DCLRE1A: variants seen among roughly 807,000 people sequenced by gnomAD.
The protein encoded by DCLRE1A is DNA cross-link repair 1A.
DCLRE1A carries 64 observed loss-of-function variants against 91.9 expected under a neutral mutation model. The observed-to-expected ratio is 0.70, with a 90% CI of 0.57 to 0.86. The LOEUF (loss-of-function observed/expected upper bound fraction) is 0.86. Ranked by LOEUF, DCLRE1A falls within the 40% of genes least tolerant of loss-of-function variation. DCLRE1A has a pLI of 0.00. For synonymous variants in DCLRE1A, 416 were observed against 431.1 expected (o/e 0.96, Z 0.43); for missense variants, 1,145 against 1,213.3 (o/e 0.94, Z 0.84).
In DCLRE1A at chr10:113,849,898, T is replaced by C; in HGVS notation, c.1207A>G (p.Thr403Ala). The C allele has an allele frequency of 6.2e-7, 1 of 1,613,960 alleles. No homozygotes were observed. Residue 403 changes from threonine (T) to alanine (A), a missense_variant, in exon 2 of 9, where the codon ACT (threonine) becomes GCT (alanine). Physicochemically the swap from Thr to Ala is moderately conservative, Grantham distance 58. Transcript: ENST00000361384. ...ESTLPYDLAC[T>A]GGDFVLFPPA... ...GGAAACAACACAAAATCACCACCAG[T>C]ACATGCCAGATCATAAGGCAAAGTA...
intron 5 of DCLRE1A, among the ~76,000 whole-genome samples, chr10:113,842,926 AAC>A (rs745363397): frequency 5.3e-5 from 8 of 152,072 alleles, no homozygotes; most frequent in African/African-American, 9.7e-5. Flanking sequence ...AATTTAGTGA[AAC>A]AGTTTTAAAT....
intron 4 of DCLRE1A, among the ~76,000 whole-genome samples, chr10:113,845,304 G>A (rs944329534): frequency 2.6e-5 from 4 of 152,046 alleles, no homozygotes; most frequent in Non-Finnish European, 5.9e-5. Flanking sequence ...AGATAAAACC[G>A]ACCTCTAGTA....
At chr10:113,841,673 T>G (rs1187994996) in intron 6 of DCLRE1A, 113 bp from the exon 7 acceptor site, 4 of 1,102,886 alleles carry the variant, frequency 3.6e-6, no homozygotes, top group Non-Finnish European at 5.1e-6. Context: ...ATTCAAAACA[T>G]TCACACTTTT....
chr10:113,842,613 C>T (rs936487055), intron 5 of DCLRE1A, 125 bp from the exon 6 acceptor site: 2 of 756,168 alleles, frequency 2.6e-6, no homozygotes, highest in African/African-American at 3.5e-5. Context: ...ATATTAATAC[C>T]ACAAGTTATC....
Position 113,850,612 on chromosome 10 carries a change from T to C in DCLRE1A, c.493A>G (p.Ile165Val). Residue 165 changes from isoleucine to valine, a missense_variant, in exon 2 of 9, where the codon ATT becomes GTT. Transcript: ENST00000361384. The part of the protein sequence containing the change: ...CPDGLLCTST[I>V]PFHYKRYTHF... ...GTGTATCTCTTGTAATGAAAAGGAA[T>C]GGTTGAGGTACACAGAAGACCATCA... 1 of 1,612,482 alleles carries C rather than the reference T, an allele frequency of 6.2e-7. No homozygotes were observed. Among genetic ancestry groups the C allele is most frequent in the Non-Finnish European group, 8.5e-7 (1 of 1,178,912 alleles).
At chr10:113,844,043 TA>T in intron 5 of DCLRE1A, 60 bp downstream of exon 5, 1 of 1,597,270 alleles carries the variant, frequency 6.3e-7, no homozygotes. Context: ...TTGATAACCA[TA>T]ATACAGAGAG....
rs11196530 is a variant in DCLRE1A, at chr10:113,842,433, T to A, written c.2575A>T (p.Ile859Phe). 4.8e-3 allele frequency: 7,729 copies of A among 1,613,970 alleles called. 22 individuals carry two copies. The highest frequency in any genetic ancestry group is 6.0e-3 in the Non-Finnish European group (7,098 of 1,179,858). Reference protein sequence around the residue: ...PSQQEVIRFAINTAFEAVTLN... With the variant: ...PSQQEVIRFAFNTAFEAVTLN... ...GTTACAGCCTCAAAGGCAGTGTTGA[T>A]GGCAAACCGGATAACCTCTTGCTGA... The change falls in exon 6 of 9, where the codon ATC becomes TTC. Residue 859 changes from isoleucine to phenylalanine, a missense_variant. Ile to Phe is a conservative substitution (Grantham distance 21). Transcript: ENST00000361384.
intron 2 of DCLRE1A, 131 bp downstream of exon 2, chr10:113,848,849 A>C: frequency 1.2e-6 from 1 of 845,548 alleles, no homozygotes; most frequent in Admixed American, 2.5e-5. Context: ...AGGCTCATGA[A>C]GTATCACAAA....
chr10:113,844,083 C>T (rs759687080), intron 5 of DCLRE1A, 21 bp downstream of exon 5: 5 of 1,612,322 alleles, frequency 3.1e-6, no homozygotes, highest in South Asian at 2.2e-5. Context: ...AAAGGAAACA[C>T]ACAAAAAAAG....
In DCLRE1A at chr10:113,850,074, A is replaced by C. The variant is rs1308179780; in HGVS notation, c.1031T>G (p.Phe344Cys). ...LEEDDDSCGF[F>C]KKRHGPLLKD... Reference sequence around the variant, plus strand: ...CAGTAAGGGACCATGTCGTTTTTTAAAAAAACCACAGCTGTCATCATCTTC... The same window carrying C: ...CAGTAAGGGACCATGTCGTTTTTTACAAAAACCACAGCTGTCATCATCTTC... The change falls in exon 2 of 9, where the codon TTT (phenylalanine) becomes TGT (cysteine). Residue 344 changes from phenylalanine to cysteine, a missense_variant. Phe to Cys is a radical substitution (Grantham distance 205, BLOSUM62 -2). Transcript: ENST00000361384. 1 of 1,613,566 alleles carries C rather than the reference A, an allele frequency of 6.2e-7. No individual in the cohort carries two copies. The highest frequency in any genetic ancestry group is 8.5e-7 in the Non-Finnish European group (1 of 1,179,876).
Position 113,849,980 on chromosome 10 carries a change from C to A in DCLRE1A, c.1125G>T (p.Leu375Phe). ...FLTRDKYDEG[L>F]YRFNSLNDLS... ...AATCATTTAGACTATTGAATCTATA[C>A]AATCCTTCATCATACTTATCCCGAG... The change falls in exon 2 of 9, where the codon TTG (leucine) becomes TTT (phenylalanine). Residue 375 changes from leucine (L) to phenylalanine (F), a missense_variant. Leu to Phe is a conservative substitution (Grantham distance 22). Coordinates refer to ENST00000361384, the MANE Select transcript of DCLRE1A (RefSeq NM_014881.5). The A allele has an allele frequency of 6.2e-7, 1 of 1,614,162 alleles. No homozygotes were observed. The highest frequency in any genetic ancestry group is 8.5e-7 in the Non-Finnish European group (1 of 1,180,040).
In DCLRE1A at chr10:113,844,205, A is replaced by G. The variant is rs764451140; in HGVS notation, c.2418T>C (p.Asn806=). Residue 806 remains asparagine (N), a synonymous_variant, in exon 5 of 9, where the codon AAT becomes AAC. Transcript: ENST00000361384. The part of the protein sequence containing the change: ...GAVMILFYLP[N]GTVILHTGDF... ...CTCCCGTGTGTAATATGACAGTACC[A>G]TTAGGAAGATAAAAGAGGATCATGA... 2.5e-6 allele frequency: 4 copies of G among 1,614,206 alleles called. No homozygotes were observed. In the South Asian group the frequency reaches 3.3e-5, roughly 13 times the overall value.
intron 4 of DCLRE1A, 40 bp downstream of exon 4, chr10:113,845,645 C>T: frequency 6.8e-7 from 1 of 1,478,744 alleles, no homozygotes; most frequent in Non-Finnish European, 9.4e-7. Flanking sequence ...TCCTTTTGAA[C>T]ATTTAAAAAA....
intron 3 of DCLRE1A, among the ~76,000 whole-genome samples, chr10:113,846,020 T>G (rs544577842): frequency 6.6e-6 from 1 of 152,216 alleles, no homozygotes; most frequent in East Asian, 1.9e-4. Context: ...AGTCCATCCT[T>G]CCCACCATGA....
chr10:113,850,065 C>G lies in DCLRE1A; in HGVS notation c.1040G>C (p.Arg347Pro), dbSNP rs765546434. The G allele has an allele frequency of 3.1e-6, 5 of 1,613,754 alleles. No homozygotes were observed. The South Asian group carries it at 3.3e-5, about 11-fold the overall frequency. ...DDDSCGFFKKRHGPLLKDQDE... is the reference protein window; with the variant it reads ...DDDSCGFFKKPHGPLLKDQDE... ...CTGGTCCTTCAGTAAGGGACCATGT[C>G]GTTTTTTAAAAAAACCACAGCTGTC... The change falls in exon 2 of 9, where the codon CGA becomes CCA. Residue 347 changes from arginine (R) to proline (P), a missense_variant. Coordinates refer to ENST00000361384, the MANE Select transcript of DCLRE1A (RefSeq NM_014881.5).
In DCLRE1A at chr10:113,837,146, G is replaced by T. The variant is rs768616269; in HGVS notation, c.2878C>A (p.Arg960=). 6.2e-7 allele frequency: 1 copy of T among 1,613,236 alleles called. No individual in the cohort carries two copies. The highest frequency in any genetic ancestry group is 8.5e-7 in the Non-Finnish European group (1 of 1,179,710). The change falls in exon 8 of 9, where the codon CGA becomes AGA. Residue 960 remains arginine, a synonymous_variant. Transcript: ENST00000361384. ...TTAGAGTGTGTCCATCCTGTAGGTC[G>T]AAATGCCAAAATCTGATTGTATTTC... ...GGKYNQILAF[R]PTGWTHSNKF...
intron 4 of DCLRE1A, among the ~76,000 whole-genome samples, chr10:113,844,930 C>CT (rs1845507721): frequency 6.8e-6 from 1 of 146,398 alleles, no homozygotes; most frequent in Non-Finnish European, 1.5e-5. Flanking sequence ...AAGCGAAACT[C>CT]TGTCTCAAAA....
rs1845525064 is a variant in DCLRE1A, at chr10:113,845,669, T to C, written c.2378+16A>G. ...ACATTTAAAAAATGTGCTATTAAGATGACTTTAATACTTACTGATTGGCAT... is the reference window on the plus strand; with the variant it reads ...ACATTTAAAAAATGTGCTATTAAGACGACTTTAATACTTACTGATTGGCAT... On this transcript the variant is annotated intron_variant, in intron 4 of 8. Transcript: ENST00000361384. 1.3e-6 allele frequency: 2 copies of C among 1,594,384 alleles called. No individual in the cohort carries two copies. The highest frequency in any genetic ancestry group is 1.7e-6 in the Non-Finnish European group (2 of 1,162,846).
chr10:113,840,130 C>T (rs573920423), intron 7 of DCLRE1A, among the ~76,000 whole-genome samples: 372 of 152,000 alleles, frequency 2.4e-3, no homozygotes, highest in African/African-American at 8.5e-3. Flanking sequence ...CCCATCTCTA[C>T]TAAAAATACA....
Sources: allele counts gnomAD v4.1 joint callset (sites outside exome capture counted in the v4.1 genomes callset), GRCh38; gene constraint gnomAD v4.1.1; transcripts MANE v1.5; gene names NCBI Gene and HGNC (gene_info 2026-07-23, HGNC 2026-07-21).